Variants in GRID2 observed in about 807,000 individuals in gnomAD.
GRID2 encodes glutamate ionotropic receptor delta type subunit 2.
GRID2 carries 33 observed loss-of-function variants against 114.8 expected under a neutral mutation model. The ratio of observed to expected loss-of-function variants is 0.29; its 90% CI spans 0.22 to 0.38. The LOEUF is 0.38. Ranked by LOEUF, GRID2 falls within the 10% of genes least tolerant of loss-of-function variation. The pLI is 1.00. For missense variants in GRID2, 1,184 were observed against 1,257.7 expected (o/e 0.94, Z 0.89); for synonymous variants, 505 against 449.9 (o/e 1.12, Z -1.55).
intron 2 of GRID2, among the ~76,000 whole-genome samples, chr4:92,813,905 T>C (rs1019714412): frequency 6.6e-6 from 1 of 152,160 alleles, no homozygotes; most frequent in African/African-American, 2.4e-5. Context: ...CATATATTTC[T>C]AGCCTAATTA....
rs566892488 is a variant in GRID2 at position 93,756,464 on chromosome 4, G to T, written c.2361-12746G>T. ...GGCTAGAGGACCAAGATCAAGCAAG[G>T]TTTCAGCAAGGTAGATTTCATTCTG... On this transcript the variant is annotated intron_variant, in intron 14 of 15. Transcript: ENST00000282020. Among the ~76,000 whole-genome samples, 4 of 152,272 alleles carry T rather than the reference G, an allele frequency of 2.6e-5. No homozygotes were observed. In the South Asian group the frequency reaches 6.2e-4, roughly 24 times the overall value.
intron 1 of GRID2, among the ~76,000 whole-genome samples, chr4:92,318,996 A>G (rs920158056): frequency 2.0e-5 from 3 of 152,150 alleles, no homozygotes; most frequent in South Asian, 2.1e-4. Flanking sequence ...GTTTGATGCT[A>G]TGAGAGGTGG....
chr4:93,506,581 A>G (rs1706793729), intron 12 of GRID2, among the ~76,000 whole-genome samples: 1 of 152,140 alleles, frequency 6.6e-6, no homozygotes, highest in Non-Finnish European at 1.5e-5. Context: ...AAGACTCAGG[A>G]CAGGAGTGGG....
chr4:93,480,047 A>G (rs1448089528), intron 11 of GRID2, among the ~76,000 whole-genome samples: 5 of 152,154 alleles, frequency 3.3e-5, no homozygotes, highest in African/African-American at 1.2e-4. Flanking sequence ...TTCTGTCAAA[A>G]GAAAATAAGT....
At chr4:93,584,563 G>T (rs576459507) in intron 13 of GRID2, among the ~76,000 whole-genome samples, 1 of 151,916 alleles carries the variant, frequency 6.6e-6, no homozygotes, top group African/African-American at 2.4e-5. Flanking sequence ...TTCTCTTTTT[G>T]TAAGAGGATA....
chr4:92,795,295 T>C (rs1739808792), intron 2 of GRID2, among the ~76,000 whole-genome samples: 1 of 151,852 alleles, frequency 6.6e-6, no homozygotes, highest in African/African-American at 2.4e-5. Context: ...TGTGCTATTC[T>C]AGTGATATTG....
intron 14 of GRID2, among the ~76,000 whole-genome samples, chr4:93,712,357 T>TCTATCATCACTATCTATCA (rs1728558640): frequency 6.6e-6 from 1 of 152,168 alleles, no homozygotes; most frequent in Admixed American, 6.6e-5. Flanking sequence ...AGATAACAAA[T>TCTATCATCACTATCTATCA]TACACTATCA....
Position 93,631,444 on chromosome 4 carries a change from CTA to C in GRID2, c.2360+5011_2360+5012del, listed in dbSNP as rs571579823. Among the ~76,000 whole-genome samples, 416 of 152,254 alleles carry C rather than the reference CTA, an allele frequency of 2.7e-3. 4 individuals are homozygous for C. The highest frequency in any genetic ancestry group is 0.02 in the South Asian group (98 of 4,822). ...AGTGTTCTCATTGTTCAATTCCCAC[CTA>C]TGAGTGAGAACATGCGGTGTTTGGT... On this transcript the variant is annotated intron_variant, in intron 14 of 15. Coordinates refer to ENST00000282020, the MANE Select transcript of GRID2 (RefSeq NM_001510.4).
chr4:93,094,657 G>C (rs2149333006), intron 3 of GRID2, among the ~76,000 whole-genome samples: 1 of 152,042 alleles, frequency 6.6e-6, no homozygotes, highest in South Asian at 2.1e-4. Context: ...AGATGATTGG[G>C]GGAAGGAATC....
At chr4:93,759,533 A>T (rs1733033355) in intron 14 of GRID2, among the ~76,000 whole-genome samples, 1 of 152,150 alleles carries the variant, frequency 6.6e-6, no homozygotes, top group South Asian at 2.1e-4. Context: ...TCTAAGAAAA[A>T]AGTTAATTGG....
At chr4:92,481,909 G>A (rs946198336) in intron 1 of GRID2, among the ~76,000 whole-genome samples, 1 of 141,100 alleles carries the variant, frequency 7.1e-6, no homozygotes, top group Non-Finnish European at 1.5e-5. Context: ...GTTCATTACT[G>A]CACTATTCAT....
chr4:92,880,592 A>G lies in GRID2; in HGVS notation c.245-204403A>G, dbSNP rs147416731. On this transcript the variant is annotated intron_variant, in intron 2 of 15. Coordinates refer to ENST00000282020, the MANE Select transcript of GRID2 (RefSeq NM_001510.4). ...CATAGAAAGTGTTTGTTTCGTTTCA[A>G]CATATTTCTAATTCATATTTAAGGA... Among the ~76,000 whole-genome samples the G allele has an allele frequency of 2.4e-3, 363 of 152,312 alleles. 2 individuals carry two copies. The highest frequency in any genetic ancestry group is 8.2e-3 in the African/African-American group (342 of 41,566).
At chr4:93,289,437 G>A (rs916373525) in intron 8 of GRID2, among the ~76,000 whole-genome samples, 2 of 152,004 alleles carry the variant, frequency 1.3e-5, no homozygotes, top group African/African-American at 2.4e-5. Context: ...AGACCTTATC[G>A]GGATGCCGTA....
intron 2 of GRID2, among the ~76,000 whole-genome samples, chr4:92,747,290 A>G (rs938876098): frequency 2.6e-5 from 4 of 152,184 alleles, no homozygotes; most frequent in Non-Finnish European, 2.9e-5. Flanking sequence ...AATTTTTTAT[A>G]TATGCTTGAA....
At chr4:92,571,068 A>T (rs1299092663) in intron 1 of GRID2, among the ~76,000 whole-genome samples, 1 of 152,034 alleles carries the variant, frequency 6.6e-6, no homozygotes, top group East Asian at 1.9e-4. Flanking sequence ...ACTCAGTATG[A>T]TATTGGCTGT....
chr4:93,394,277 G>T (rs555756081), intron 8 of GRID2, among the ~76,000 whole-genome samples: 1 of 152,066 alleles, frequency 6.6e-6, no homozygotes, highest in East Asian at 1.9e-4. Context: ...AACTAAGAAT[G>T]ACATATCATT....
At chr4:92,853,076 C>A (rs1743936744) in intron 2 of GRID2, among the ~76,000 whole-genome samples, 1 of 151,972 alleles carries the variant, frequency 6.6e-6, no homozygotes, top group Admixed American at 6.6e-5. Context: ...ACATATAGCA[C>A]AGACTTTGGA....
chr4:92,641,096 C>A (rs1207634615), intron 2 of GRID2, among the ~76,000 whole-genome samples: 1 of 151,560 alleles, frequency 6.6e-6, no homozygotes, highest in African/African-American at 2.4e-5. Context: ...TTTTTCTGTG[C>A]CACATTTATT....
At chr4:93,153,162 A>G (rs1459051280) in intron 4 of GRID2, among the ~76,000 whole-genome samples, 9 of 152,150 alleles carry the variant, frequency 5.9e-5, no homozygotes, top group Admixed American at 5.9e-4. Flanking sequence ...AACAAAATAA[A>G]TACAAAATTC....
Sources: gnomAD v4.1 joint callset for allele counts (sites outside exome capture counted in the v4.1 genomes callset) on GRCh38, gnomAD v4.1.1 for gene constraint, MANE v1.5 for transcripts, NCBI Gene and HGNC (gene_info 2026-07-23, HGNC 2026-07-21) for gene names.